Variants in FGF5 observed in about 807,000 individuals in gnomAD.
FGF5 encodes heparin-binding growth factor 5.
FGF5 carries 23 observed loss-of-function variants against 21.8 expected under a neutral mutation model. The ratio of observed to expected loss-of-function variants is 1.05; its 90% CI spans 0.76 to 1.49. The LOEUF is 1.49. FGF5 is among the 40% of genes most tolerant of loss of function. The pLI is 0.00. For missense variants in FGF5, 352 were observed against 332.9 expected, an observed-to-expected ratio of 1.06 and a Z score of -0.45; for synonymous variants, 158 against 124.0, an observed-to-expected ratio of 1.27 and a Z score of -1.82.
At chr4:80,275,098 A>G (rs547663977) in intron 2 of FGF5, 86 bp downstream of exon 2, 317 of 554,582 alleles carry the variant, frequency 5.7e-4, no homozygotes, top group Non-Finnish European at 8.2e-4. Context: ...TTCATAGGTA[A>G]GAAAATTTGC....
rs34767958 is a variant in FGF5 at position 80,273,320 on chromosome 4, A to G, written c.356-1589A>G. 3.2e-3 allele frequency among the ~76,000 whole-genome samples: 494 copies of G among 152,164 alleles called. 1 individual carries two copies. Among genetic ancestry groups the G allele is most frequent in the African/African-American group, 0.011 (464 of 41,552 alleles). On this transcript the variant is annotated intron_variant, in intron 1 of 2. Transcript: ENST00000312465. ...TATTTACTTTGGGCTAAAAACATCT[A>G]TTTTTTAAATAAGCTGTTCAGTTAT...
intron 2 of FGF5, among the ~76,000 whole-genome samples, chr4:80,275,775 T>C (rs1370785665): frequency 6.6e-6 from 1 of 152,036 alleles, no homozygotes; most frequent in African/African-American, 2.4e-5. Flanking sequence ...TTTGCATTAG[T>C]ATATACACGC....
In FGF5 at chr4:80,286,766, T is replaced by G. The variant is rs2109931264; in HGVS notation, c.*94T>G. The stretch of plus-strand genomic sequence containing the variant: ...TGAAGAAAAATTACTGGACACAGCT[T>G]CAGCTATACTTACACTGTATTGAAG... On this transcript the variant is annotated 3_prime_UTR_variant, in exon 3 of 3. Transcript: ENST00000312465. 1 of 873,106 alleles carries G rather than the reference T, an allele frequency of 1.1e-6. No individual in the cohort carries two copies. Among genetic ancestry groups the G allele is most frequent in the African/African-American group, 1.7e-5 (1 of 58,792 alleles). 54.1% of individuals were successfully genotyped at this position (873,106 alleles called of 1,614,324 possible).
chr4:80,279,732 TA>T (rs1174863340), intron 2 of FGF5, among the ~76,000 whole-genome samples: 1 of 152,236 alleles, frequency 6.6e-6, no homozygotes, highest in Admixed American at 6.5e-5. Context: ...AGTCTTTTCA[TA>T]AAGTATGCAG....
chr4:80,290,217 C>T lies in FGF5; in HGVS notation c.*3545C>T, dbSNP rs947987189. 6.6e-6 allele frequency: 1 copy of T among 152,088 alleles called. No individual in the cohort carries two copies. The highest frequency in any genetic ancestry group is 2.1e-4 in the South Asian group (1 of 4,830). The allele number at this position is 152,088 out of a possible 1,614,324, so 9.4% of individuals were successfully genotyped here. The stretch of plus-strand genomic sequence containing the variant: ...ACAATAACTTCTTAAAGGAATTCTA[C>T]ACCTCCTTTAAGATTTACTTAATTG... On this transcript the variant is annotated 3_prime_UTR_variant, in exon 3 of 3. Coordinates refer to ENST00000312465, the MANE Select transcript of FGF5 (RefSeq NM_004464.4).
chr4:80,278,933 C>T (rs963933337), intron 2 of FGF5, among the ~76,000 whole-genome samples: 3 of 152,184 alleles, frequency 2.0e-5, no homozygotes, highest in Admixed American at 6.5e-5. Flanking sequence ...GCCATGAGGG[C>T]TACTCCAAGC....
Position 80,289,082 on chromosome 4 carries a change from C to A in FGF5, c.*2410C>A, listed in dbSNP as rs1195810383. ...GATCTCGGCTCACTGCAACCTCCAA[C>A]TCCCTGGTTTAAGGGATTCTCCTGC... is the stretch of plus-strand genomic sequence containing the variant. On this transcript the variant is annotated 3_prime_UTR_variant, in exon 3 of 3. Transcript: ENST00000312465. The A allele has an allele frequency of 2.6e-5, 4 of 151,076 alleles. No homozygotes were observed. The highest frequency in any genetic ancestry group is 5.9e-5 in the Non-Finnish European group (4 of 67,950). The allele number at this position is 151,076 out of a possible 1,614,324, so 9.4% of individuals were successfully genotyped here.
In FGF5 at chr4:80,286,473, G is replaced by A; in HGVS notation, c.608G>A (p.Ser203Asn). 2 of 1,614,000 alleles carry A rather than the reference G, an allele frequency of 1.2e-6. No homozygotes were observed. The highest frequency in any genetic ancestry group is 2.2e-5 in the South Asian group (2 of 91,074). Residue 203 changes from serine to asparagine, a missense_variant, in exon 3 of 3, where the codon AGC becomes AAC. By Grantham distance (46) the Ser-to-Asn change is conservative. Transcript: ENST00000312465. Reference sequence around the variant, plus strand: ...AGAGGAAAAGCCAAACGAGGGTGCAGCCCCCGGGTTAAACCCCAGCATATC... The same window carrying A: ...AGAGGAAAAGCCAAACGAGGGTGCAACCCCCGGGTTAAACCCCAGCATATC... ...NKRGKAKRGC[S>N]PRVKPQHIST...
intron 1 of FGF5, among the ~76,000 whole-genome samples, chr4:80,272,074 T>C (rs1361809810): frequency 6.6e-6 from 1 of 152,174 alleles, no homozygotes; most frequent in Non-Finnish European, 1.5e-5. Flanking sequence ...ATAACAGTGT[T>C]CTTAATATTA....
chr4:80,268,614 C>T (rs898694032), intron 1 of FGF5: 8 of 690,070 alleles, frequency 1.2e-5, no homozygotes, highest in Non-Finnish European at 1.4e-5. Flanking sequence ...TTAAGGGGGC[C>T]TAATGCGGAA....
intron 1 of FGF5, among the ~76,000 whole-genome samples, chr4:80,271,487 C>T (rs1198645168): frequency 3.3e-5 from 5 of 152,160 alleles, no homozygotes; most frequent in Non-Finnish European, 4.4e-5. Context: ...GTCTGTAGCA[C>T]TTTAATGTGA....
chr4:80,273,267 G>T (rs766593163), intron 1 of FGF5, among the ~76,000 whole-genome samples: 17 of 151,750 alleles, frequency 1.1e-4, no homozygotes, highest in African/African-American at 1.5e-4. Context: ...TAGTGAACTG[G>T]TACCTGCAGT....
Position 80,287,764 on chromosome 4 carries a change from C to G in FGF5, c.*1092C>G, listed in dbSNP as rs1720778112. The stretch of plus-strand genomic sequence containing the variant: ...ATCAATGGTTTAACAGTTATCCATG[C>G]CAAGTCCCATTGTCAGAAATATTCT... On this transcript the variant is annotated 3_prime_UTR_variant, in exon 3 of 3. Coordinates refer to ENST00000312465, the MANE Select transcript of FGF5 (RefSeq NM_004464.4). 6.6e-6 allele frequency: 1 copy of G among 152,096 alleles called. No homozygotes were observed. The highest frequency in any genetic ancestry group is 2.4e-5 in the African/African-American group (1 of 41,428). The allele number at this position is 152,096 out of a possible 1,614,324, so 9.4% of individuals were successfully genotyped here.
In FGF5 at chr4:80,268,421, G is replaced by T. The variant is rs1251717739; in HGVS notation, c.355+1242G>T. ...AGTGTCAGCCTGGTTGCTCCTAGATGTTCCTAACTTGCTCCATCTCAGACC... is the reference window on the plus strand; with the variant it reads ...AGTGTCAGCCTGGTTGCTCCTAGATTTTCCTAACTTGCTCCATCTCAGACC... On this transcript the variant is annotated intron_variant, in intron 1 of 2. Coordinates refer to ENST00000312465, the MANE Select transcript of FGF5 (RefSeq NM_004464.4). 5 of 926,046 alleles carry T rather than the reference G, an allele frequency of 5.4e-6. No homozygotes were observed. In the East Asian group the frequency reaches 5.9e-4, roughly 109 times the overall value. The allele number at this position is 926,046 out of a possible 1,614,324, so 57.4% of individuals were successfully genotyped here.
rs1293010134 is a variant in FGF5, at chr4:80,267,056, A to G, written c.232A>G (p.Ser78Gly). The G allele has an allele frequency of 6.2e-7, 1 of 1,614,216 alleles. No homozygotes were observed. Among genetic ancestry groups the G allele is most frequent in the Admixed American group, 1.7e-5 (1 of 60,036 alleles). Residue 78 changes from serine to glycine, a missense_variant, in exon 1 of 3, where the codon AGT becomes GGT. Ser to Gly is a moderately conservative substitution (Grantham distance 56, BLOSUM62 0). Transcript: ENST00000312465. Reference protein sequence around the residue: ...GSQGSGLEQSSFQWSPSGRRT... With the variant: ...GSQGSGLEQSGFQWSPSGRRT... ...CCAAGGAAGTGGCTTGGAGCAGAGC[A>G]GTTTCCAGTGGAGCCCCTCGGGGCG... is the stretch of plus-strand genomic sequence containing the variant.
At chr4:80,285,749 A>T (rs1163623311) in intron 2 of FGF5, among the ~76,000 whole-genome samples, 1 of 152,120 alleles carries the variant, frequency 6.6e-6, no homozygotes, top group African/African-American at 2.4e-5. Context: ...CTGAGTAAAG[A>T]TACGTTATTT....
At chr4:80,273,463 A>G (rs36076597) in intron 1 of FGF5, among the ~76,000 whole-genome samples, 1,661 of 152,286 alleles carry the variant, frequency 0.011, 21 homozygotes, top group African/African-American at 0.037. Flanking sequence ...TAAATGCTCA[A>G]TAAAGTTACT....
chr4:80,273,548 G>A (rs1300900776), intron 1 of FGF5, among the ~76,000 whole-genome samples: 1 of 152,134 alleles, frequency 6.6e-6, no homozygotes, highest in South Asian at 2.1e-4. Context: ...ACTGCAGGGA[G>A]AGTTTGCTAT....
chr4:80,274,240 A>G (rs990448216), intron 1 of FGF5, among the ~76,000 whole-genome samples: 6 of 152,152 alleles, frequency 3.9e-5, no homozygotes, highest in Admixed American at 6.5e-5. Context: ...AAATTATTTC[A>G]TTAATTTTTT....
Sources: gnomAD v4.1 joint callset for allele counts (sites outside exome capture counted in the v4.1 genomes callset) on GRCh38, gnomAD v4.1.1 for gene constraint, MANE v1.5 for transcripts, NCBI Gene and HGNC (gene_info 2026-07-23, HGNC 2026-07-21) for gene names.